The following LARGE1 variants were observed in gnomAD, a reference collection of about 807,000 sequenced individuals.
LARGE1 encodes xylosyl- and glucuronyltransferase LARGE1.
A neutral mutation model predicts 87.6 loss-of-function variants in LARGE1; 43 were observed. That is an observed-to-expected ratio of 0.49 (90% confidence interval 0.38 to 0.63). LARGE1 has a LOEUF of 0.63. Ranked by LOEUF, LARGE1 falls within the 30% of genes least tolerant of loss-of-function variation. The probability of loss-of-function intolerance (pLI) is 0.00; values close to 1 mark genes in which losing one functional copy is unlikely to be tolerated. For synonymous variants in LARGE1, 434 were observed against 394.6 expected (o/e 1.10, Z -1.18); for missense variants, 802 against 1,000.2 (o/e 0.80, Z 2.67).
intron 6 of LARGE1, among the ~76,000 whole-genome samples, chr22:33,470,083 G>A (rs1442955887): frequency 6.6e-6 from 1 of 151,244 alleles, no homozygotes; most frequent in African/African-American, 2.4e-5. Context: ...GTAGAGATGG[G>A]GTTTCACCAC....
At position 33,592,633 on chromosome 22, in the gene LARGE1, A is replaced by C. The variant is rs573259033; in HGVS notation, c.615+11802T>G. The stretch of plus-strand genomic sequence containing the variant: ...CAAATACTTTTCGGCATTTGCAATC[A>C]GCCTTGCAACTGACTTAAAACAATT... On this transcript the variant is annotated intron_variant, in intron 5 of 14. Coordinates refer to ENST00000397394, the MANE Select transcript of LARGE1 (RefSeq NM_133642.5). Among the ~76,000 whole-genome samples, 6 of 152,328 alleles carry C rather than the reference A, an allele frequency of 3.9e-5. No homozygotes were observed. The East Asian group carries it at 9.6e-4, about 24-fold the overall frequency.
At chr22:33,755,891 G>A (rs1324581291) in intron 2 of LARGE1, among the ~76,000 whole-genome samples, 1 of 152,172 alleles carries the variant, frequency 6.6e-6, no homozygotes, top group Non-Finnish European at 1.5e-5. Context: ...CATCAAACAA[G>A]CAAAATATCT....
At chr22:33,477,612 G>A (rs1232548229) in intron 6 of LARGE1, among the ~76,000 whole-genome samples, 4 of 151,888 alleles carry the variant, frequency 2.6e-5, no homozygotes, top group Non-Finnish European at 1.5e-5. Flanking sequence ...ATGCACACAC[G>A]CACCCCCACG....
intron 9 of LARGE1, among the ~76,000 whole-genome samples, chr22:33,376,215 A>C (rs1050080035): frequency 2.0e-5 from 3 of 152,250 alleles, no homozygotes; most frequent in Non-Finnish European, 2.9e-5. Flanking sequence ...GACACGAGTT[A>C]TATTTCTAAA....
At chr22:33,238,475 G>A (rs1180945620) in intron 11 of LARGE1, among the ~76,000 whole-genome samples, 2 of 152,076 alleles carry the variant, frequency 1.3e-5, no homozygotes, top group Admixed American at 6.5e-5. Context: ...GTGGGAATTA[G>A]AACATTTAAA....
In LARGE1 at chr22:33,816,856, A is replaced by G. The variant is rs541854579; in HGVS notation, c.-82-55298T>C. Among the ~76,000 whole-genome samples, 9 of 152,234 alleles carry G rather than the reference A, an allele frequency of 5.9e-5. No individual in the cohort carries two copies. In the South Asian group the frequency reaches 1.9e-3, roughly 32 times the overall value. On this transcript the variant is annotated intron_variant, in intron 1 of 14. Transcript: ENST00000397394. ...CAGTGTTCATTCTCAATCATTTCAAATTCCAGGATGCTCTCCAGGAAAAGT... is the reference window on the plus strand; with the variant it reads ...CAGTGTTCATTCTCAATCATTTCAAGTTCCAGGATGCTCTCCAGGAAAAGT...
intron 1 of LARGE1, among the ~76,000 whole-genome samples, chr22:33,916,604 C>T (rs953388160): frequency 3.3e-5 from 5 of 152,280 alleles, no homozygotes; most frequent in African/African-American, 7.2e-5. Context: ...GCTGTATCCC[C>T]GAGGTGTGTC....
chr22:33,551,576 T>C (rs1451135371), intron 6 of LARGE1, among the ~76,000 whole-genome samples: 1 of 152,198 alleles, frequency 6.6e-6, no homozygotes, highest in African/African-American at 2.4e-5. Context: ...ACTGGCTTCT[T>C]TTCTTAGCAC....
At chr22:33,667,669 G>A (rs998137620) in intron 2 of LARGE1, among the ~76,000 whole-genome samples, 1 of 152,190 alleles carries the variant, frequency 6.6e-6, no homozygotes, top group Non-Finnish European at 1.5e-5. Flanking sequence ...GGTTAAGATC[G>A]TGATCCCCTG....
intron 3 of LARGE1, among the ~76,000 whole-genome samples, chr22:33,635,968 T>C (rs2080254896): frequency 1.3e-5 from 2 of 152,240 alleles, no homozygotes; most frequent in Non-Finnish European, 2.9e-5. Flanking sequence ...TGTGACCACA[T>C]GGGTTCCAGG....
At chr22:33,598,280 T>G (rs1122906) in intron 5 of LARGE1, among the ~76,000 whole-genome samples, 12,942 of 152,242 alleles carry the variant, frequency 0.085, 681 homozygotes, top group African/African-American at 0.14. Flanking sequence ...TTCCTTTGTA[T>G]GTACAATGGG....
At chr22:33,120,396 TTC>T in the LARGE1 span, among the ~76,000 whole-genome samples, 1 of 98,532 alleles carries the variant, frequency 1.0e-5, no homozygotes, top group African/African-American at 6.2e-5. Flanking sequence ...CTTTCTTTCT[TTC>T]TTTCTTTCTT....
intron 11 of LARGE1, among the ~76,000 whole-genome samples, chr22:33,184,248 T>C (rs942781009): frequency 3.1e-4 from 47 of 151,460 alleles, no homozygotes; most frequent in African/African-American, 1.1e-3. Context: ...TGATATCTTG[T>C]AGAGTAAATA....
chr22:33,666,559 A>G (rs2081272879), intron 2 of LARGE1, among the ~76,000 whole-genome samples: 1 of 152,160 alleles, frequency 6.6e-6, no homozygotes, highest in Non-Finnish European at 1.5e-5. Context: ...AACAGAAAGG[A>G]GGTGGGAGCA....
intron 2 of LARGE1, among the ~76,000 whole-genome samples, chr22:33,689,185 A>ATGTGTG (rs112442829): frequency 2.8e-5 from 4 of 144,522 alleles, no homozygotes; most frequent in Non-Finnish European, 4.6e-5. Flanking sequence ...CTGTGTGTGT[A>ATGTGTG]TGTGTGTGTG....
At chr22:33,497,628 A>G (rs975801925) in intron 6 of LARGE1, among the ~76,000 whole-genome samples, 11 of 152,220 alleles carry the variant, frequency 7.2e-5, no homozygotes, top group Admixed American at 5.9e-4. Flanking sequence ...CAAAACATAC[A>G]AAGTGTCCAG....
chr22:33,556,184 C>G (rs577417858), intron 6 of LARGE1, among the ~76,000 whole-genome samples: 1 of 151,932 alleles, frequency 6.6e-6, no homozygotes, highest in Non-Finnish European at 1.5e-5. Flanking sequence ...TCTACACTTG[C>G]ATGTAACCAT....
At chr22:33,414,890 C>T (rs1010434047) in intron 7 of LARGE1, among the ~76,000 whole-genome samples, 1 of 152,232 alleles carries the variant, frequency 6.6e-6, no homozygotes, top group Non-Finnish European at 1.5e-5. Context: ...CAGAAAGTGA[C>T]TCCTCAGCAG....
chr22:33,840,872 C>G (rs2063262261), intron 1 of LARGE1, among the ~76,000 whole-genome samples: 1 of 152,206 alleles, frequency 6.6e-6, no homozygotes, highest in African/African-American at 2.4e-5. Context: ...ATCCACCCGC[C>G]TCAGCCTCCC....
Sources: allele counts gnomAD v4.1 joint callset (sites outside exome capture counted in the v4.1 genomes callset), GRCh38; gene constraint gnomAD v4.1.1; transcripts MANE v1.5; gene names NCBI Gene and HGNC (gene_info 2026-07-23, HGNC 2026-07-21).